Variants in PDE1A observed in about 807,000 individuals in gnomAD.
The protein encoded by PDE1A is phosphodiesterase 1A.
Under a neutral mutation model 61.7 loss-of-function variants are expected in PDE1A, and 35 were observed. The observed-to-expected ratio is 0.57, with a 90% CI of 0.43 to 0.75. The LOEUF (loss-of-function observed/expected upper bound fraction) is 0.75, where lower values mean the gene tolerates loss of function less well. Ranked by LOEUF, PDE1A falls within the 30% of genes least tolerant of loss-of-function variation. The probability of loss-of-function intolerance (pLI) is 0.00; values close to 1 mark genes in which losing one functional copy is unlikely to be tolerated. For synonymous variants in PDE1A, 232 were observed against 213.2 expected (o/e 1.09, Z -0.77); for missense variants, 597 against 630.6 (o/e 0.95, Z 0.57).
At chr2:182,499,216 A>G (rs1293351963) in intron 2 of PDE1A, among the ~76,000 whole-genome samples, 6 of 118,648 alleles carry the variant, frequency 5.1e-5, no homozygotes, top group Admixed American at 3.4e-4. Flanking sequence ...TTGCTCTGTC[A>G]CCCAGGCTGG....
the PDE1A span, among the ~76,000 whole-genome samples, chr2:182,593,898 G>C: frequency 7.2e-5 from 11 of 152,188 alleles, no homozygotes; most frequent in African/African-American, 2.7e-4. Context: ...TCCCTTGTGT[G>C]ATTCCAGGCC....
chr2:182,559,591 T>C, the PDE1A span, among the ~76,000 whole-genome samples: 196 of 152,276 alleles, frequency 1.3e-3, no homozygotes, highest in Non-Finnish European at 1.7e-3. Context: ...AAGCTGAACA[T>C]AGGTATACCC....
At chr2:182,375,148 C>T (rs7585427) in intron 1 of PDE1A, among the ~76,000 whole-genome samples, 95,792 of 151,988 alleles carry the variant, frequency 0.63, 30,709 homozygotes, top group East Asian at 0.96. Flanking sequence ...AGCCAAACCA[C>T]ATCATTCTGC....
At chr2:182,486,060 A>G (rs1688003698) in intron 2 of PDE1A, among the ~76,000 whole-genome samples, 1 of 151,220 alleles carries the variant, frequency 6.6e-6, no homozygotes, top group African/African-American at 2.4e-5. Context: ...AAACCTAAAG[A>G]ATCTATAAAA....
intron 2 of PDE1A, among the ~76,000 whole-genome samples, chr2:182,491,760 C>G (rs1040222979): frequency 6.4e-5 from 8 of 124,840 alleles, no homozygotes; most frequent in Non-Finnish European, 1.4e-4. Context: ...CTTGCATATT[C>G]TCATACTTTT....
the PDE1A span, among the ~76,000 whole-genome samples, chr2:182,679,767 A>C: frequency 2.6e-5 from 4 of 152,216 alleles, no homozygotes; most frequent in African/African-American, 9.7e-5. Flanking sequence ...GTTAATTCAC[A>C]GATCTAATGT....
downstream of PDE1A, among the ~76,000 whole-genome samples, chr2:182,143,679 C>T (rs770824068): frequency 1.3e-5 from 2 of 152,046 alleles, no homozygotes; most frequent in Non-Finnish European, 2.9e-5. Context: ...CTACGCCCGG[C>T]TAACTGTTTG....
intron 6 of PDE1A, among the ~76,000 whole-genome samples, chr2:182,225,438 T>C (rs1689067022): frequency 6.6e-6 from 1 of 151,948 alleles, no homozygotes. Context: ...ATCTTATTAA[T>C]CTTAGCTCCC....
chr2:182,582,872 C>T, the PDE1A span, among the ~76,000 whole-genome samples: 1 of 152,138 alleles, frequency 6.6e-6, no homozygotes, highest in African/African-American at 2.4e-5. Context: ...TTTTTCTGTG[C>T]TTGTATCCTT....
At chr2:182,431,513 T>C (rs558031857), upstream of PDE1A, among the ~76,000 whole-genome samples, 1 of 152,240 alleles carries the variant, frequency 6.6e-6, no homozygotes, top group Admixed American at 6.5e-5. Flanking sequence ...CCGCTTTACC[T>C]CTAGAGGAAA....
At chr2:182,209,699 T>A (rs1185325384) in intron 7 of PDE1A, among the ~76,000 whole-genome samples, 3 of 151,912 alleles carry the variant, frequency 2.0e-5, no homozygotes, top group Non-Finnish European at 4.4e-5. Context: ...TGTGCAGCAC[T>A]TCCCCCTTCA....
chr2:182,204,498 C>T (rs945726810), intron 8 of PDE1A, among the ~76,000 whole-genome samples: 14 of 152,128 alleles, frequency 9.2e-5, no homozygotes, highest in Admixed American at 2.6e-4. Context: ...CCATTCTCCT[C>T]CTCAGCCCAC....
At chr2:182,403,598 C>CAAAAAAAAAAAAAAAAAAAAA (rs548993514) in intron 1 of PDE1A, among the ~76,000 whole-genome samples, 16 of 77,608 alleles carry the variant, frequency 2.1e-4, no homozygotes, top group African/African-American at 5.5e-4. Flanking sequence ...GACTCCGTCT[C>CAAAAAAAAAAAAAAAAAAAAA]AAAAAAAAAA....
intron 1 of PDE1A, among the ~76,000 whole-genome samples, chr2:182,295,751 A>AAT (rs1694841041): frequency 6.6e-6 from 1 of 152,122 alleles, no homozygotes; most frequent in South Asian, 2.1e-4. Context: ...TTTTGAATAA[A>AAT]ATATATATAT....
the PDE1A span, among the ~76,000 whole-genome samples, chr2:182,568,219 C>G: frequency 3.2e-3 from 492 of 152,102 alleles, 1 homozygote; most frequent in African/African-American, 0.011. Context: ...TTAATCTGTT[C>G]TTTAATAACG....
At chr2:182,169,938 A>ACACACACACTTTCC (rs1393866906) in intron 13 of PDE1A, among the ~76,000 whole-genome samples, 2 of 92,686 alleles carry the variant, frequency 2.2e-5, no homozygotes, top group Admixed American at 2.5e-4. Flanking sequence ...ACACACACAC[A>ACACACACACTTTCC]CTCTCCCTCT....
intron 2 of PDE1A, among the ~76,000 whole-genome samples, chr2:182,454,823 A>C (rs1485361550): frequency 1.3e-5 from 2 of 151,704 alleles, no homozygotes; most frequent in African/African-American, 4.8e-5. Flanking sequence ...ACCCAGAAGA[A>C]AACCTAGGCA....
chr2:182,388,238 G>T (rs578157483), intron 1 of PDE1A, among the ~76,000 whole-genome samples: 2 of 152,188 alleles, frequency 1.3e-5, no homozygotes, highest in Non-Finnish European at 2.9e-5. Flanking sequence ...AATAGTAGGG[G>T]ATATCAACAC....
chr2:182,307,804 T>C (rs1695689218), intron 1 of PDE1A, among the ~76,000 whole-genome samples: 3 of 152,102 alleles, frequency 2.0e-5, no homozygotes, highest in Admixed American at 2.0e-4. Context: ...GACAGTGAGC[T>C]ATGATTATGC....
Sources: gnomAD v4.1 joint callset for allele counts (sites outside exome capture counted in the v4.1 genomes callset) on GRCh38, gnomAD v4.1.1 for gene constraint, MANE v1.5 for transcripts, NCBI Gene and HGNC (gene_info 2026-07-23, HGNC 2026-07-21) for gene names.